The following KCNK2 variants were observed in gnomAD, a reference collection of about 807,000 sequenced individuals.
KCNK2 encodes the protein potassium channel subfamily K member 2.
KCNK2 carries 21 observed loss-of-function variants against 40.5 expected under a neutral mutation model. That is an observed-to-expected ratio of 0.52 (90% CI 0.37 to 0.75). KCNK2 has a LOEUF of 0.75. Ranked by LOEUF, KCNK2 falls within the 30% of genes least tolerant of loss-of-function variation. KCNK2 has a pLI of 0.00. For synonymous variants in KCNK2, 191 were observed against 202.2 expected, an observed-to-expected ratio of 0.94 and a Z score of 0.47; for missense variants, 399 against 531.6, an observed-to-expected ratio of 0.75 and a Z score of 2.45.
intron 5 of KCNK2, among the ~76,000 whole-genome samples, chr1:215,184,125 G>T (rs1413081251): frequency 6.6e-6 from 1 of 152,132 alleles, no homozygotes; most frequent in Non-Finnish European, 1.5e-5. Flanking sequence ...CTCTGCTGAA[G>T]ATCTTTTAGT....
At chr1:215,005,785 C>A, upstream of KCNK2, 1 of 743,376 alleles carries the variant, frequency 1.3e-6, no homozygotes. Context: ...AACATTCACA[C>A]ACAAAAAGGA....
chr1:215,073,094 G>C (rs1439930727), intron 1 of KCNK2, among the ~76,000 whole-genome samples: 1 of 152,142 alleles, frequency 6.6e-6, no homozygotes, highest in African/African-American at 2.4e-5. Flanking sequence ...AAGACACACA[G>C]AGAGAAGGTG....
At chr1:215,219,754 TGA>T in intron 6 of KCNK2, among the ~76,000 whole-genome samples, 1 of 152,242 alleles carries the variant, frequency 6.6e-6, no homozygotes, top group Admixed American at 6.5e-5. Flanking sequence ...TTTATTTATG[TGA>T]ATACAGACTC....
chr1:215,053,601 CCAGG>C (rs1299340422), intron 1 of KCNK2, among the ~76,000 whole-genome samples: 2 of 152,124 alleles, frequency 1.3e-5, no homozygotes, highest in African/African-American at 4.8e-5. Context: ...ACAATTGCAA[CCAGG>C]AAATTCTAGC....
At chr1:215,215,282 T>C (rs1571740718) in intron 6 of KCNK2, among the ~76,000 whole-genome samples, 1 of 152,076 alleles carries the variant, frequency 6.6e-6, no homozygotes, top group African/African-American at 2.4e-5. Context: ...AATTTGTCTT[T>C]GCTTCTCCTC....
At chr1:215,181,780 G>T (rs952630926) in intron 5 of KCNK2, among the ~76,000 whole-genome samples, 3 of 152,152 alleles carry the variant, frequency 2.0e-5, no homozygotes, top group African/African-American at 7.2e-5. Context: ...CTTTTTTAAC[G>T]GGAATATCTT....
intron 3 of KCNK2, among the ~76,000 whole-genome samples, chr1:215,142,827 T>C (rs1046604882): frequency 2.0e-5 from 3 of 152,144 alleles, no homozygotes; most frequent in Non-Finnish European, 4.4e-5. Context: ...CTTAGTTGTC[T>C]TTGAAAGTTG....
At chr1:215,186,394 GA>G (rs1243398195) in intron 5 of KCNK2, among the ~76,000 whole-genome samples, 4 of 151,480 alleles carry the variant, frequency 2.6e-5, no homozygotes, top group South Asian at 2.1e-4. Flanking sequence ...GCCCCATCTT[GA>G]AAAAAAAGAA....
intron 3 of KCNK2, among the ~76,000 whole-genome samples, chr1:215,154,958 A>G (rs1662850788): frequency 6.6e-6 from 1 of 152,026 alleles, no homozygotes; most frequent in South Asian, 2.1e-4. Flanking sequence ...TGGTACCAGC[A>G]CTGTTATATT....
chr1:215,117,857 G>A (rs947043955), intron 2 of KCNK2, among the ~76,000 whole-genome samples: 1 of 152,080 alleles, frequency 6.6e-6, no homozygotes, highest in Non-Finnish European at 1.5e-5. Flanking sequence ...GATGGGTCTA[G>A]TATCCTGCTG....
At chr1:215,093,908 A>G (rs1382581060) in intron 2 of KCNK2, among the ~76,000 whole-genome samples, 1 of 115,612 alleles carries the variant, frequency 8.6e-6, no homozygotes, top group Non-Finnish European at 1.7e-5. Flanking sequence ...TATATTATAT[A>G]TTATATATAA....
At chr1:215,140,039 G>C (rs1230903583) in intron 3 of KCNK2, among the ~76,000 whole-genome samples, 1 of 151,990 alleles carries the variant, frequency 6.6e-6, no homozygotes, top group Non-Finnish European at 1.5e-5. Flanking sequence ...CAGTATCATT[G>C]GTCTTTATGG....
rs889132943 is a variant in KCNK2 at position 215,082,753 on chromosome 1, G to A, written c.-633G>A. On this transcript the variant is annotated 5_prime_UTR_variant, in exon 1 of 7. Coordinates refer to ENST00000444842, the MANE Select transcript of KCNK2 (RefSeq NM_001017425.3). ...AAAGGAGGGAAACGAGCCGGCAAGG[G>A]GCGACAGGAGCGAGCCGGGAAGGGA... Among the ~76,000 whole-genome samples, 2 of 152,148 alleles carry A rather than the reference G, an allele frequency of 1.3e-5. No homozygotes were observed. Among genetic ancestry groups the A allele is most frequent in the East Asian group, 3.9e-4 (2 of 5,106 alleles).
At chr1:215,037,159 A>G (rs1386511358) in intron 1 of KCNK2, among the ~76,000 whole-genome samples, 1 of 151,596 alleles carries the variant, frequency 6.6e-6, no homozygotes, top group Non-Finnish European at 1.5e-5. Flanking sequence ...ATAAGGTTTT[A>G]GTGTTTCTTG....
At chr1:215,181,140 T>C (rs1664202683) in intron 5 of KCNK2, among the ~76,000 whole-genome samples, 2 of 152,144 alleles carry the variant, frequency 1.3e-5, no homozygotes, top group South Asian at 4.1e-4. Context: ...TTTCTTCTCT[T>C]TGGTCCAGTC....
At chr1:215,109,376 A>G (rs1284736515) in intron 2 of KCNK2, among the ~76,000 whole-genome samples, 1 of 151,692 alleles carries the variant, frequency 6.6e-6, no homozygotes, top group African/African-American at 2.4e-5. Flanking sequence ...CACCCTTCCT[A>G]GTCTCTAGTG....
chr1:215,054,884 G>A (rs1658104929), intron 1 of KCNK2, among the ~76,000 whole-genome samples: 1 of 152,016 alleles, frequency 6.6e-6, no homozygotes, highest in African/African-American at 2.4e-5. Flanking sequence ...GTTTCTACTT[G>A]TCTTTACCAA....
intron 1 of KCNK2, among the ~76,000 whole-genome samples, chr1:215,017,987 G>A (rs536602186): frequency 5.1e-4 from 77 of 152,242 alleles, no homozygotes; most frequent in Non-Finnish European, 9.6e-4. Context: ...AATTGGAGAT[G>A]CATTTTGAGA....
chr1:215,137,828 G>A (rs890763007), intron 3 of KCNK2, among the ~76,000 whole-genome samples: 1 of 152,046 alleles, frequency 6.6e-6, no homozygotes, highest in Non-Finnish European at 1.5e-5. Context: ...TGCTGTATTT[G>A]TTTTTCCCTG....
Sources: allele counts gnomAD v4.1 joint callset (sites outside exome capture counted in the v4.1 genomes callset), GRCh38; gene constraint gnomAD v4.1.1; transcripts MANE v1.5; gene names NCBI Gene and HGNC (gene_info 2026-07-23, HGNC 2026-07-21).